Variants in RFX4 observed in about 807,000 individuals in gnomAD.
RFX4 encodes regulatory factor X4, also known as transcription factor RFX4.
Under a neutral mutation model 95.0 loss-of-function variants are expected in RFX4, and 10 were observed. The observed-to-expected ratio is 0.11, with a 90% CI of 0.06 to 0.18. The LOEUF (loss-of-function observed/expected upper bound fraction) is 0.18. Among genes scored for constraint, RFX4 ranks in the 10% least tolerant of loss-of-function variants. RFX4 has a pLI of 1.00. For synonymous variants in RFX4, 321 were observed against 340.7 expected, an observed-to-expected ratio of 0.94 and a Z score of 0.64; for missense variants, 640 against 922.0, an observed-to-expected ratio of 0.69 and a Z score of 3.96.
intron 1 of RFX4, among the ~76,000 whole-genome samples, chr12:106,597,742 C>T (rs112579584): frequency 9.3e-4 from 142 of 152,170 alleles, no homozygotes; most frequent in African/African-American, 3.0e-3. Flanking sequence ...AACCTATAAT[C>T]CCAGTGCTTT....
intron 15 of RFX4, among the ~76,000 whole-genome samples, chr12:106,736,457 CA>C (rs2137575190): frequency 6.6e-6 from 1 of 152,238 alleles, no homozygotes; most frequent in African/African-American, 2.4e-5. Flanking sequence ...GGTTAAGGAC[CA>C]CTGCCTGAGG....
At chr12:106,726,368 C>CT (rs1185291006) in intron 13 of RFX4, among the ~76,000 whole-genome samples, 3 of 152,018 alleles carry the variant, frequency 2.0e-5, no homozygotes, top group Non-Finnish European at 2.9e-5. Context: ...CTCAGTGCTG[C>CT]TTTGCCCACC....
chr12:106,608,694 A>C, intron 1 of RFX4, 103 bp from the exon 2 acceptor site: 2 of 1,036,064 alleles, frequency 1.9e-6, no homozygotes, highest in Non-Finnish European at 2.7e-6. Flanking sequence ...ATTTAAATCT[A>C]ATGCATTTAT....
chr12:106,665,716 T>G (rs981278980), intron 4 of RFX4, among the ~76,000 whole-genome samples: 1 of 151,892 alleles, frequency 6.6e-6, no homozygotes, highest in Non-Finnish European at 1.5e-5. Flanking sequence ...TATTTACAAC[T>G]AATTCAAGCC....
At chr12:106,748,712 G>A (rs1486749770) in intron 16 of RFX4, among the ~76,000 whole-genome samples, 1 of 152,126 alleles carries the variant, frequency 6.6e-6, no homozygotes. Flanking sequence ...ACTTTGGAAG[G>A]CCGAGGTGGG....
intron 1 of RFX4, among the ~76,000 whole-genome samples, chr12:106,592,828 C>T (rs1263496023): frequency 6.6e-6 from 1 of 152,136 alleles, no homozygotes; most frequent in Non-Finnish European, 1.5e-5. Flanking sequence ...GAGGATAAAA[C>T]GTCCATTTGT....
chr12:106,667,266 G>A (rs559562337), intron 4 of RFX4, among the ~76,000 whole-genome samples: 1 of 152,130 alleles, frequency 6.6e-6, no homozygotes, highest in Non-Finnish European at 1.5e-5. Context: ...GAAGGCTAGA[G>A]CTGACTGGAG....
intron 8 of RFX4, among the ~76,000 whole-genome samples, chr12:106,708,753 G>A (rs915205917): frequency 9.9e-5 from 15 of 152,166 alleles, no homozygotes; most frequent in African/African-American, 3.6e-4. Context: ...GCAACCTACT[G>A]CCCTGCTCAG....
intron 15 of RFX4, among the ~76,000 whole-genome samples, chr12:106,741,990 C>T (rs2042814452): frequency 6.6e-6 from 1 of 152,136 alleles, no homozygotes; most frequent in South Asian, 2.1e-4. Flanking sequence ...GCTTGCCCAC[C>T]ACTCACCTCT....
chr12:106,640,834 G>C (rs1444163093), intron 3 of RFX4, among the ~76,000 whole-genome samples: 1 of 147,872 alleles, frequency 6.8e-6, no homozygotes, highest in Non-Finnish European at 1.5e-5. Context: ...AGGCTGGAGT[G>C]CTGTGGCGTG....
At chr12:106,619,294 A>G (rs545309582) in intron 2 of RFX4, among the ~76,000 whole-genome samples, 1 of 152,298 alleles carries the variant, frequency 6.6e-6, no homozygotes, top group Admixed American at 6.5e-5. Flanking sequence ...AGATCATGAA[A>G]CACATGTTTA....
At position 106,586,362 on chromosome 12, in the gene RFX4, C is replaced by T. The variant is rs919653445; in HGVS notation, c.43+2999C>T. Among the ~76,000 whole-genome samples, 3 of 152,104 alleles carry T rather than the reference C, an allele frequency of 2.0e-5. No homozygotes were observed. Among genetic ancestry groups the T allele is most frequent in the Non-Finnish European group, 4.4e-5 (3 of 68,000 alleles). On this transcript the variant is annotated intron_variant, in intron 1 of 17. Transcript: ENST00000392842. The surrounding 1 kb of genome is among the most constrained non-coding windows in gnomAD (Gnocchi z 5.6). The stretch of plus-strand genomic sequence containing the variant: ...AGCTACGTGTTTGTGGCCGCCGGGT[C>T]CAATCAGGGCTGCTCTGCCCGGGTG...
chr12:106,620,989 C>A (rs903723370), intron 2 of RFX4, among the ~76,000 whole-genome samples: 26 of 152,222 alleles, frequency 1.7e-4, no homozygotes, highest in African/African-American at 6.0e-4. Context: ...CACAGGCAGT[C>A]AGACCTTATG....
intron 3 of RFX4, among the ~76,000 whole-genome samples, chr12:106,647,277 T>C (rs1269904238): frequency 6.6e-6 from 1 of 152,176 alleles, no homozygotes; most frequent in Non-Finnish European, 1.5e-5. Flanking sequence ...AGAGGCATCA[T>C]ACCTGAGTTC....
At chr12:106,605,165 A>T (rs754621524) in intron 1 of RFX4, among the ~76,000 whole-genome samples, 4 of 152,234 alleles carry the variant, frequency 2.6e-5, no homozygotes, top group Admixed American at 6.5e-5. Flanking sequence ...AGTGAACTTT[A>T]TTATTATGAA....
At chr12:106,757,074 C>T (rs2043121882) in intron 17 of RFX4, among the ~76,000 whole-genome samples, 1 of 152,176 alleles carries the variant, frequency 6.6e-6, no homozygotes, top group African/African-American at 2.4e-5. Context: ...TCTGTAAACC[C>T]AGAGGTAGAA....
At chr12:106,645,628 T>C (rs1301496010) in intron 3 of RFX4, among the ~76,000 whole-genome samples, 3 of 152,238 alleles carry the variant, frequency 2.0e-5, no homozygotes, top group Non-Finnish European at 2.9e-5. Context: ...TAGAATGTTC[T>C]GGAAGGTCAT....
chr12:106,748,643 C>G (rs2042939369), intron 16 of RFX4, among the ~76,000 whole-genome samples: 1 of 152,152 alleles, frequency 6.6e-6, no homozygotes, highest in African/African-American at 2.4e-5. Context: ...CTGAAAAGCA[C>G]TTATGATATT....
chr12:106,604,203 C>T (rs2039775992), intron 1 of RFX4, among the ~76,000 whole-genome samples: 1 of 149,824 alleles, frequency 6.7e-6, no homozygotes, highest in Admixed American at 6.7e-5. Context: ...TCACTGCAAC[C>T]TCTGCCTCCA....
Sources: allele counts gnomAD v4.1 joint callset (sites outside exome capture counted in the v4.1 genomes callset), GRCh38; gene constraint gnomAD v4.1.1; non-coding constraint Gnocchi (gnomAD v3.1); transcripts MANE v1.5; gene names NCBI Gene and HGNC (gene_info 2026-07-23, HGNC 2026-07-21).